PCDH15: variants seen among roughly 807,000 people sequenced by gnomAD.
PCDH15 encodes the protein protocadherin related 15.
PCDH15 carries 129 observed loss-of-function variants against 178.5 expected under a neutral mutation model. The observed-to-expected ratio is 0.72, with a 90% CI of 0.63 to 0.84. The LOEUF is 0.84. Ranked by LOEUF, PCDH15 falls within the 40% of genes least tolerant of loss-of-function variation. The probability of loss-of-function intolerance (pLI) is 0.00; values close to 1 mark genes in which losing one functional copy is unlikely to be tolerated. For missense variants in PCDH15, 2,230 were observed against 2,099.9 expected, an observed-to-expected ratio of 1.06 and a Z score of -1.21; for synonymous variants, 800 against 732.0, an observed-to-expected ratio of 1.09 and a Z score of -1.50.
At chr10:55,269,142 A>G (rs1842374670) in intron 1 of PCDH15, among the ~76,000 whole-genome samples, 1 of 152,154 alleles carries the variant, frequency 6.6e-6, no homozygotes, top group African/African-American at 2.4e-5. Flanking sequence ...CCCCAAAATA[A>G]GAACAATCTA....
intron 8 of PCDH15, among the ~76,000 whole-genome samples, chr10:54,311,031 C>T (rs1158315807): frequency 6.6e-6 from 1 of 151,884 alleles, no homozygotes; most frequent in Non-Finnish European, 1.5e-5. Context: ...AGAAAGCTTC[C>T]CCGGAGGGAG....
intron 2 of PCDH15, among the ~76,000 whole-genome samples, chr10:54,553,531 A>AT (rs1175397951): frequency 5.9e-5 from 9 of 152,178 alleles, no homozygotes. Flanking sequence ...TTCTGTCCTC[A>AT]TTTTTGTGAG....
Position 53,805,785 on chromosome 10 carries a change from T to G in PCDH15, c.*794A>C, listed in dbSNP as rs1841111115. ...TACTGCTTACTCGAACCTTTCTCACTTCCCTAAAAGCTTTTGCTAAGGGTG... is the reference window on the plus strand; with the variant it reads ...TACTGCTTACTCGAACCTTTCTCACGTCCCTAAAAGCTTTTGCTAAGGGTG... On this transcript the variant is annotated 3_prime_UTR_variant, in exon 38 of 38. Coordinates refer to ENST00000644397, the MANE Select transcript of PCDH15 (RefSeq NM_001384140.1). 2 of 152,120 alleles carry G rather than the reference T, an allele frequency of 1.3e-5. No individual in the cohort carries two copies. The highest frequency in any genetic ancestry group is 2.9e-5 in the Non-Finnish European group (2 of 68,018). The allele number at this position is 152,120 out of a possible 1,614,324, so 9.4% of individuals were successfully genotyped here.
chr10:54,982,733 C>T (rs998980287), intron 2 of PCDH15, among the ~76,000 whole-genome samples: 2 of 152,090 alleles, frequency 1.3e-5, no homozygotes, highest in Non-Finnish European at 2.9e-5. Context: ...CAGCAACAAC[C>T]TAGTATTAAC....
At chr10:54,256,618 C>T (rs914990966) in intron 8 of PCDH15, among the ~76,000 whole-genome samples, 13 of 152,294 alleles carry the variant, frequency 8.5e-5, no homozygotes, top group Admixed American at 2.6e-4. Flanking sequence ...ATGTGTAAGG[C>T]TGCTGTTTCC....
intron 1 of PCDH15, among the ~76,000 whole-genome samples, chr10:55,287,828 C>A (rs891977818): frequency 1.7e-4 from 26 of 152,046 alleles, no homozygotes; most frequent in African/African-American, 6.0e-4. Context: ...TGCAAAATCT[C>A]AGAGACCACA....
intron 8 of PCDH15, among the ~76,000 whole-genome samples, chr10:54,287,961 C>T (rs886592535): frequency 6.6e-6 from 1 of 152,064 alleles, no homozygotes; most frequent in African/African-American, 2.4e-5. Context: ...ATAGGCACTT[C>T]ACATAATGGG....
chr10:54,535,264 A>G (rs557280086), intron 2 of PCDH15, among the ~76,000 whole-genome samples: 1 of 152,346 alleles, frequency 6.6e-6, no homozygotes, highest in African/African-American at 2.4e-5. Context: ...TGCTTTCATC[A>G]ATACAATTTA....
intron 2 of PCDH15, among the ~76,000 whole-genome samples, chr10:55,412,020 A>G (rs1838348888): frequency 1.3e-5 from 2 of 152,084 alleles, no homozygotes; most frequent in African/African-American, 4.8e-5. Context: ...ACAATCTGCG[A>G]TGTTTGAGAC....
intron 9 of PCDH15, among the ~76,000 whole-genome samples, chr10:54,223,326 A>G (rs1643959906): frequency 7.0e-6 from 1 of 142,140 alleles, no homozygotes; most frequent in South Asian, 2.2e-4. Flanking sequence ...AAAAAAAAAG[A>G]GAAATTGTTG....
intron 3 of PCDH15, among the ~76,000 whole-genome samples, chr10:54,398,751 A>AC (rs937906367): frequency 5.3e-5 from 8 of 152,092 alleles, no homozygotes; most frequent in Admixed American, 1.3e-4. Context: ...CAGAAAAAAA[A>AC]CCCCAAATAT....
intron 5 of PCDH15, among the ~76,000 whole-genome samples, chr10:54,359,601 A>G (rs937274898): frequency 1.3e-5 from 2 of 152,048 alleles, no homozygotes; most frequent in East Asian, 1.9e-4. Context: ...CTTTACTTCT[A>G]TTACATTTAA....
intron 2 of PCDH15, among the ~76,000 whole-genome samples, chr10:54,972,613 G>T (rs1474036250): frequency 6.6e-6 from 1 of 151,876 alleles, no homozygotes; most frequent in African/African-American, 2.4e-5. Context: ...CTTTTGGGAG[G>T]CCAAGGCAGG....
intron 25 of PCDH15, 66 bp downstream of exon 25, chr10:53,938,749 T>C: frequency 6.6e-7 from 1 of 1,511,190 alleles, no homozygotes; most frequent in Admixed American, 1.7e-5. Context: ...GACATAGGTA[T>C]TTCATTTAAA....
At chr10:55,315,523 A>G (rs1405145842) in intron 1 of PCDH15, among the ~76,000 whole-genome samples, 3 of 152,130 alleles carry the variant, frequency 2.0e-5, no homozygotes, top group East Asian at 3.9e-4. Flanking sequence ...AGTCCTCCCA[A>G]TCACCTAGCC....
intron 8 of PCDH15, among the ~76,000 whole-genome samples, chr10:54,269,646 T>C (rs1421362232): frequency 6.6e-6 from 1 of 151,976 alleles, no homozygotes; most frequent in Admixed American, 6.6e-5. Context: ...AAAGTTCCAT[T>C]TGTTAAAATT....
rs1367808909 is a variant in PCDH15, at chr10:55,162,766, G to T, written c.-80+3810C>A. 7.2e-5 allele frequency among the ~76,000 whole-genome samples: 11 copies of T among 152,214 alleles called. No homozygotes were observed. In the East Asian group the frequency reaches 2.1e-3, roughly 29 times the overall value. Reference sequence around the variant, plus strand: ...ACCTCAGACCAGATGTCTTCCTATTGTCAATGGAGAGGCAGCATGATGCAG... The same window carrying T: ...ACCTCAGACCAGATGTCTTCCTATTTTCAATGGAGAGGCAGCATGATGCAG... On this transcript the variant is annotated intron_variant, in intron 2 of 5. Coordinates refer to the PCDH15 transcript ENST00000458638.
chr10:54,426,234 A>T (rs1006962072), intron 3 of PCDH15, among the ~76,000 whole-genome samples: 1 of 152,164 alleles, frequency 6.6e-6, no homozygotes, highest in African/African-American at 2.4e-5. Flanking sequence ...TGTTTATACC[A>T]GTGGTCCCCA....
intron 2 of PCDH15, among the ~76,000 whole-genome samples, chr10:55,524,203 A>G (rs1029761487): frequency 4.6e-5 from 7 of 151,680 alleles, no homozygotes; most frequent in Non-Finnish European, 8.9e-5. Flanking sequence ...TATAGAGTAA[A>G]TAATTCGGAA....
Sources: gnomAD v4.1 joint callset for allele counts (sites outside exome capture counted in the v4.1 genomes callset) on GRCh38, gnomAD v4.1.1 for gene constraint, MANE v1.5 for transcripts, NCBI Gene and HGNC (gene_info 2026-07-23, HGNC 2026-07-21) for gene names.